TMEM178B: variants seen among roughly 807,000 people sequenced by gnomAD.
TMEM178B encodes transmembrane protein 178B.
TMEM178B carries 5 observed loss-of-function variants against 31.0 expected under a neutral mutation model. That is an observed-to-expected ratio of 0.16 (90% CI 0.08 to 0.34). TMEM178B has a LOEUF of 0.34. Ranked by LOEUF, TMEM178B falls within the 10% of genes least tolerant of loss-of-function variation. TMEM178B has a pLI of 1.00. For missense variants in TMEM178B, 275 were observed against 400.3 expected (o/e 0.69, Z 2.67); for synonymous variants, 164 against 164.0 (o/e 1.00, Z 0.00).
chr7:141,414,478 G>A (rs1052228798), intron 2 of TMEM178B: 23 of 152,338 alleles, frequency 1.5e-4, no homozygotes, highest in African/African-American at 5.3e-4. Flanking sequence ...AGTTTAGGTC[G>A]TTTTCAGTCT....
In TMEM178B at chr7:141,334,420, T is replaced by C. The variant is rs144810297; in HGVS notation, c.497-103188T>C. Among the ~76,000 whole-genome samples, 90 of 152,360 alleles carry C rather than the reference T, an allele frequency of 5.9e-4. 2 individuals carry two copies. The East Asian group carries it at 0.015, about 26-fold the overall frequency. On this transcript the variant is annotated intron_variant, in intron 2 of 3. Coordinates refer to ENST00000565468, the MANE Select transcript of TMEM178B (RefSeq NM_001195278.2). Reference sequence around the variant, plus strand: ...GGTACTACGTTTGTCTCATAGAACGTAGTCATCACATGCTAGCTATTATTA... The same window carrying C: ...GGTACTACGTTTGTCTCATAGAACGCAGTCATCACATGCTAGCTATTATTA...
chr7:141,154,830 A>G (rs1443411247), intron 1 of TMEM178B, among the ~76,000 whole-genome samples: 1 of 151,846 alleles, frequency 6.6e-6, no homozygotes, highest in Non-Finnish European at 1.5e-5. Context: ...CCCAGGTTCA[A>G]ACGATTCTCC....
At chr7:141,444,319 G>A (rs1476371020) in intron 3 of TMEM178B, among the ~76,000 whole-genome samples, 1 of 152,154 alleles carries the variant, frequency 6.6e-6, no homozygotes, top group Non-Finnish European at 1.5e-5. Context: ...AACAATGTCT[G>A]TGCTCTTAAT....
intron 2 of TMEM178B, among the ~76,000 whole-genome samples, chr7:141,238,906 G>C (rs1405775557): frequency 6.6e-6 from 1 of 152,186 alleles, no homozygotes; most frequent in East Asian, 1.9e-4. Context: ...GTTAGCAAAG[G>C]GCTCTAACTA....
intron 2 of TMEM178B, among the ~76,000 whole-genome samples, chr7:141,265,354 T>A (rs1798080038): frequency 6.6e-6 from 1 of 152,080 alleles, no homozygotes; most frequent in Admixed American, 6.5e-5. Context: ...TTCAGGACTG[T>A]GGCGCAGACT....
At chr7:141,350,892 T>C (rs962164378) in intron 2 of TMEM178B, among the ~76,000 whole-genome samples, 2 of 152,218 alleles carry the variant, frequency 1.3e-5, no homozygotes, top group Non-Finnish European at 2.9e-5. Flanking sequence ...TTAAAAACTA[T>C]AGAAGTCGTG....
intron 2 of TMEM178B, among the ~76,000 whole-genome samples, chr7:141,335,034 G>A (rs542048693): frequency 3.5e-4 from 54 of 152,230 alleles, no homozygotes; most frequent in African/African-American, 1.2e-3. Flanking sequence ...GTTTCTCCTG[G>A]GGCTGCCAAA....
intron 1 of TMEM178B, among the ~76,000 whole-genome samples, chr7:141,156,413 G>A (rs764606107): frequency 6.6e-6 from 1 of 152,168 alleles, no homozygotes; most frequent in Non-Finnish European, 1.5e-5. Flanking sequence ...CAGAGAACAT[G>A]CAAAGTCCCT....
At chr7:141,189,304 G>T (rs1489677842) in intron 1 of TMEM178B, among the ~76,000 whole-genome samples, 1 of 152,268 alleles carries the variant, frequency 6.6e-6, no homozygotes, top group Non-Finnish European at 1.5e-5. Flanking sequence ...TGCAGTGGCT[G>T]CAGGGGCACC....
At chr7:141,326,790 A>G (rs1586893593) in intron 2 of TMEM178B, among the ~76,000 whole-genome samples, 1 of 152,120 alleles carries the variant, frequency 6.6e-6, no homozygotes, top group East Asian at 1.9e-4. Flanking sequence ...CCCATTCTAG[A>G]CTTGTGCTGT....
chr7:141,376,623 T>C (rs1411090929), intron 2 of TMEM178B, among the ~76,000 whole-genome samples: 1 of 152,158 alleles, frequency 6.6e-6, no homozygotes, highest in African/African-American at 2.4e-5. Flanking sequence ...AGAAACAAGC[T>C]CAGCATCACC....
chr7:141,488,150 G>A, the TMEM178B span, among the ~76,000 whole-genome samples: 1 of 151,978 alleles, frequency 6.6e-6, no homozygotes, highest in Admixed American at 6.5e-5. Context: ...CACTGCTTTA[G>A]AAGGTAAAAT....
At chr7:141,375,840 G>C (rs558962435) in intron 2 of TMEM178B, among the ~76,000 whole-genome samples, 7 of 152,250 alleles carry the variant, frequency 4.6e-5, no homozygotes, top group Admixed American at 2.6e-4. Context: ...CAGCCTCTTA[G>C]ACATAAAATA....
intron 2 of TMEM178B, among the ~76,000 whole-genome samples, chr7:141,291,405 G>A (rs1798543982): frequency 1.3e-5 from 2 of 152,302 alleles, no homozygotes; most frequent in East Asian, 3.9e-4. Context: ...AGACCATGAT[G>A]TGTGCCCCCG....
At chr7:141,343,132 G>A (rs974208280) in intron 2 of TMEM178B, among the ~76,000 whole-genome samples, 2 of 152,292 alleles carry the variant, frequency 1.3e-5, no homozygotes, top group African/African-American at 4.8e-5. Flanking sequence ...TGCTGGTCCG[G>A]GGACTGCATT....
chr7:141,459,558 G>A (rs1436428476), intron 3 of TMEM178B, among the ~76,000 whole-genome samples: 1 of 152,172 alleles, frequency 6.6e-6, no homozygotes, highest in South Asian at 2.1e-4. Flanking sequence ...GAAAAAGTGT[G>A]GATAATCTCG....
chr7:141,283,151 A>T (rs1798392794), intron 2 of TMEM178B, among the ~76,000 whole-genome samples: 1 of 152,160 alleles, frequency 6.6e-6, no homozygotes, highest in African/African-American at 2.4e-5. Context: ...GTGTCCTAAG[A>T]GCATAGACTC....
At chr7:141,094,588 C>T (rs1422753825) in intron 1 of TMEM178B, among the ~76,000 whole-genome samples, 1 of 152,140 alleles carries the variant, frequency 6.6e-6, no homozygotes, top group Non-Finnish European at 1.5e-5. Flanking sequence ...CACGCTGTGT[C>T]TTGAAGTATG....
intron 2 of TMEM178B, among the ~76,000 whole-genome samples, chr7:141,343,549 T>TC (rs1491533571): frequency 6.9e-6 from 1 of 144,984 alleles, no homozygotes; most frequent in Admixed American, 6.9e-5. Flanking sequence ...TTTTTTTTTT[T>TC]GTGAGATGGA....
Sources: allele counts gnomAD v4.1 joint callset (sites outside exome capture counted in the v4.1 genomes callset), GRCh38; gene constraint gnomAD v4.1.1; transcripts MANE v1.5; gene names NCBI Gene and HGNC (gene_info 2026-07-23, HGNC 2026-07-21).